CAPN15: variants seen among roughly 807,000 people sequenced by gnomAD.
CAPN15 encodes calpain-15.
A neutral mutation model predicts 97.9 loss-of-function variants in CAPN15; 53 were observed. The observed-to-expected ratio is 0.54, with a 90% CI of 0.43 to 0.68. The LOEUF is 0.68. Ranked by LOEUF, CAPN15 falls within the 30% of genes least tolerant of loss-of-function variation. CAPN15 has a pLI of 0.00. For missense variants in CAPN15, 1,592 were observed against 1,589.8 expected (o/e 1.00, Z -0.02); for synonymous variants, 922 against 722.5 (o/e 1.28, Z -4.43).
Position 548,056 on chromosome 16 carries a change from C to G in CAPN15, c.1218C>G (p.Ala406=). ...GGGTGTCCTCGGCCCAGAAGGCCGC[C>G]CGCGTCCTGCCCGAGCGCCCGGGCC... ...CGRVSSAQKA[A]RVLPERPGQW... is the part of the protein sequence containing the mutation. Residue 406 remains alanine, a synonymous_variant, in exon 4 of 14, where the codon GCC becomes GCG. Transcript: ENST00000219611. 1.3e-6 allele frequency: 2 copies of G among 1,548,974 alleles called. No homozygotes were observed. The highest frequency in any genetic ancestry group is 1.7e-6 in the Non-Finnish European group (2 of 1,147,988).
rs368097824 is a variant in CAPN15, at chr16:549,114, C to T, written c.1571C>T (p.Ser524Phe). The stretch of plus-strand genomic sequence containing the variant: ...CTGCGACCCCAGGAGATCAACTGCT[C>T]CGTCTTCAGGGACCACAGGGCCACG... Reference protein sequence around the residue: ...QWLRPQEINCSVFRDHRATWS... With the variant: ...QWLRPQEINCFVFRDHRATWS... The change falls in exon 5 of 14, where the codon TCC becomes TTC. Residue 524 changes from serine to phenylalanine, a missense_variant. Physicochemically the swap from Ser to Phe is radical, Grantham distance 155. Around this residue, in one of 3 missense-constraint regions of CAPN15, gnomAD observed 883 missense variants for 776.6 expected, o/e 1.14. Coordinates refer to ENST00000219611, the MANE Select transcript of CAPN15 (RefSeq NM_005632.3). 1 of 1,612,400 alleles carries T rather than the reference C, an allele frequency of 6.2e-7. No homozygotes were observed. The highest frequency in any genetic ancestry group is 8.5e-7 in the Non-Finnish European group (1 of 1,179,936).
chr16:536,053 G>T lies in CAPN15; in HGVS notation c.-112G>T, dbSNP rs548756707. ...GACAGGGAGCCAGGATGGGAACCAC[G>T]GACTGACCTGACCTGCGTCCTCGGG... On this transcript the variant is annotated 5_prime_UTR_variant, in exon 3 of 14. Transcript: ENST00000219611. 1.7e-5 allele frequency: 15 copies of T among 889,872 alleles called. No individual in the cohort carries two copies. Among genetic ancestry groups the T allele is most frequent in the African/African-American group, 2.0e-5 (1 of 49,216 alleles). The allele number at this position is 889,872 out of a possible 1,614,324, so 55.1% of individuals were successfully genotyped here. A position where few individuals can be genotyped will look rare whatever the true frequency, so the allele number is the denominator to read the frequency against.
intron 2 of CAPN15, among the ~76,000 whole-genome samples, chr16:534,558 T>C (rs973649336): frequency 6.6e-6 from 1 of 152,154 alleles, no homozygotes; most frequent in Non-Finnish European, 1.5e-5. Context: ...GAGCTTCCTG[T>C]CCTTGGGGTC....
At position 535,836 on chromosome 16, in the gene CAPN15, C is replaced by G. The variant is rs140928636; in HGVS notation, c.-136-193C>G. On this transcript the variant is annotated intron_variant, in intron 2 of 13. Transcript: ENST00000219611. This position sits in a 1 kb window ranked among gnomAD's most constrained non-coding sequence, Gnocchi z 6.2. Reference sequence around the variant, plus strand: ...AGGCCCGGGGGGCACATGCAGCTCACGGGAGCAGCACAGATGCTTGGCCGG... The same window carrying G: ...AGGCCCGGGGGGCACATGCAGCTCAGGGGAGCAGCACAGATGCTTGGCCGG... 1.8e-3 allele frequency among the ~76,000 whole-genome samples: 271 copies of G among 152,258 alleles called. 1 individual carries two copies. The highest frequency in any genetic ancestry group is 2.8e-3 in the Non-Finnish European group (189 of 68,002).
rs1292668522 is a variant in CAPN15 at position 551,581 on chromosome 16, C to T, written c.2262C>T (p.His754=). ...GCAGCTGGTCCGACGAGTGGCCACA[C>T]TGGCCGGGGCACCTGCGTGGCGAGC... ...WNGSWSDEWP[H]WPGHLRGELM... The change falls in exon 9 of 14, where the codon CAC becomes CAT. Residue 754 remains histidine (H), a synonymous_variant. Coordinates refer to ENST00000219611, the MANE Select transcript of CAPN15 (RefSeq NM_005632.3). 1 of 1,610,866 alleles carries T rather than the reference C, an allele frequency of 6.2e-7. No homozygotes were observed. The highest frequency in any genetic ancestry group is 1.7e-5 in the Admixed American group (1 of 59,998).
Position 553,492 on chromosome 16 carries a change from T to C in CAPN15, c.3237T>C (p.Gly1079=), listed in dbSNP as rs1271498455. The C allele has an allele frequency of 1.9e-6, 3 of 1,608,410 alleles. No individual in the cohort carries two copies. The highest frequency in any genetic ancestry group is 3.3e-4 in the Middle Eastern group (2 of 6,034). The change falls in exon 14 of 14, where the codon GGT becomes GGC. Residue 1079 remains glycine (G), a synonymous_variant. Coordinates refer to ENST00000219611, the MANE Select transcript of CAPN15 (RefSeq NM_005632.3). ...CCCCACTCACGCCAGAGGTCGCCGGTCTGCATGGGCCCCGACCGCTGTGAC... is the reference window on the plus strand; with the variant it reads ...CCCCACTCACGCCAGAGGTCGCCGGCCTGCATGGGCCCCGACCGCTGTGAC... The part of the protein sequence containing the change: ...HSPPLTPEVA[G]LHGPRPL
At chr16:530,184 A>G (rs928276580) in intron 1 of CAPN15, among the ~76,000 whole-genome samples, 1 of 152,200 alleles carries the variant, frequency 6.6e-6, no homozygotes, top group African/African-American at 2.4e-5. Flanking sequence ...GTGACCCTGT[A>G]GCTGGTCCCT....
intron 4 of CAPN15, among the ~76,000 whole-genome samples, chr16:548,611 C>T (rs1053527823): frequency 1.3e-5 from 2 of 152,236 alleles, no homozygotes; most frequent in Admixed American, 1.3e-4. Context: ...GGAGACCCCG[C>T]TGAAGTGCGA....
rs377258156 is a variant in CAPN15, at chr16:551,554, C to T, written c.2235C>T (p.Asn745=). The T allele has an allele frequency of 9.1e-5, 147 of 1,611,764 alleles. No homozygotes were observed. Among genetic ancestry groups the T allele is most frequent in the South Asian group, 1.4e-4 (13 of 91,070 alleles). Residue 745 remains asparagine (N), a synonymous_variant, in exon 9 of 14, where the codon AAC becomes AAT. Transcript: ENST00000219611. ...ACCCGTGGGGCCGTTTCTCCTGGAA[C>T]GGCAGCTGGTCCGACGAGTGGCCAC... ...LRNPWGRFSW[N]GSWSDEWPHW...
At chr16:553,119 G>GCCCC in intron 13 of CAPN15, 78 bp downstream of exon 13, 1 of 618,456 alleles carries the variant, frequency 1.6e-6, no homozygotes. Flanking sequence ...CCCAACTCGT[G>GCCCC]CCCCCCCACC....
intron 3 of CAPN15, among the ~76,000 whole-genome samples, chr16:540,820 A>C (rs1468101830): frequency 6.6e-6 from 1 of 152,040 alleles, no homozygotes; most frequent in Non-Finnish European, 1.5e-5. Flanking sequence ...CACAGCTGTC[A>C]CCATGGCCTT....
At chr16:551,951 G>T in intron 9 of CAPN15, 100 bp from the exon 10 acceptor site, 1 of 1,293,098 alleles carries the variant, frequency 7.7e-7, no homozygotes. Context: ...CGGAGCAGCT[G>T]GCACCTGCTG....
Position 553,328 on chromosome 16 carries a change from C to A in CAPN15, c.3084-11C>A. On this transcript the variant is annotated splice_polypyrimidine_tract_variant and intron_variant, in intron 13 of 13. Transcript: ENST00000219611. ...TGCCCTCCACAGGTCCTCACCGGTC[C>A]CCTCCCCCAGGCAGGTCCTGGTGAT... The A allele has an allele frequency of 6.3e-7, 1 of 1,595,152 alleles. No individual in the cohort carries two copies. Among genetic ancestry groups the A allele is most frequent in the Admixed American group, 1.7e-5 (1 of 59,202 alleles).
chr16:532,254 GAAA>G (rs888647484), intron 1 of CAPN15, among the ~76,000 whole-genome samples: 1 of 139,806 alleles, frequency 7.2e-6, no homozygotes, highest in South Asian at 2.3e-4. Context: ...AAAAAAAAAA[GAAA>G]AAAAAGTAGA....
intron 7 of CAPN15, among the ~76,000 whole-genome samples, 160 bp from the exon 8 acceptor site, chr16:551,142 G>T (rs367828704): frequency 1.1e-4 from 11 of 96,450 alleles, no homozygotes; most frequent in East Asian, 7.2e-4. Context: ...TGAGGGCCCC[G>T]GTCGGTGAGG....
rs542090188 is a variant in CAPN15 at position 535,039 on chromosome 16, G to A, written c.-136-990G>A. 2.6e-5 allele frequency among the ~76,000 whole-genome samples: 4 copies of A among 152,294 alleles called. No individual in the cohort carries two copies. The highest frequency in any genetic ancestry group is 3.9e-4 in the East Asian group (2 of 5,190). On this transcript the variant is annotated intron_variant, in intron 2 of 13. Coordinates refer to ENST00000219611, the MANE Select transcript of CAPN15 (RefSeq NM_005632.3). This position sits in a 1 kb window ranked among gnomAD's most constrained non-coding sequence, Gnocchi z 6.2. ...GAGTGTATGCGGAGTGGACACAGCTGTGGGTGCCGCCCGCGCAAGGCTGGG... is the reference window on the plus strand; with the variant it reads ...GAGTGTATGCGGAGTGGACACAGCTATGGGTGCCGCCCGCGCAAGGCTGGG...
At chr16:545,138 G>A (rs1055118293) in intron 3 of CAPN15, among the ~76,000 whole-genome samples, 3 of 151,974 alleles carry the variant, frequency 2.0e-5, no homozygotes, top group Non-Finnish European at 2.9e-5. Flanking sequence ...AGCCGTGCGC[G>A]AGCCACTGCA....
In CAPN15 at chr16:547,081, A is replaced by G; in HGVS notation, c.243A>G (p.Pro81=). ...PEPAPGAAFL[P]VLNGVLPKPP... ...CTGCGCCTGGGGCTGCCTTCCTGCC[A>G]GTCCTCAACGGGGTCCTCCCCAAGC... Residue 81 remains proline (P), a synonymous_variant, in exon 4 of 14, where the codon CCA becomes CCG. Coordinates refer to ENST00000219611, the MANE Select transcript of CAPN15 (RefSeq NM_005632.3). The G allele has an allele frequency of 6.3e-7, 1 of 1,597,106 alleles. No homozygotes were observed. Among genetic ancestry groups the G allele is most frequent in the Non-Finnish European group, 8.5e-7 (1 of 1,173,542 alleles).
intron 3 of CAPN15, among the ~76,000 whole-genome samples, chr16:545,673 A>G (rs2034536455): frequency 6.6e-6 from 1 of 152,214 alleles, no homozygotes; most frequent in Non-Finnish European, 1.5e-5. Flanking sequence ...GGAGCTGGTG[A>G]GGCTGTCCTT....
Sources: allele counts gnomAD v4.1 joint callset (sites outside exome capture counted in the v4.1 genomes callset), GRCh38; gene constraint gnomAD v4.1.1; regional missense constraint gnomAD v4.1.1; non-coding constraint Gnocchi (gnomAD v3.1); transcripts MANE v1.5; gene names NCBI Gene and HGNC (gene_info 2026-07-23, HGNC 2026-07-21).